Variants in FBXO36 observed in about 807,000 individuals in gnomAD.
FBXO36 encodes the protein F-box protein 36.
In FBXO36, 18 loss-of-function variants were observed where a neutral mutation model predicts 17.0. That is an observed-to-expected ratio of 1.06 (90% confidence interval 0.73 to 1.57). FBXO36 has a LOEUF of 1.57. Among genes scored for constraint, FBXO36 ranks in the 40% most tolerant of loss-of-function variants. The probability of loss-of-function intolerance (pLI) is 0.00; values close to 1 mark genes in which losing one functional copy is unlikely to be tolerated. For missense variants in FBXO36, 229 were observed against 221.9 expected, an observed-to-expected ratio of 1.03 and a Z score of -0.20; for synonymous variants, 83 against 85.3, an observed-to-expected ratio of 0.97 and a Z score of 0.15.
intron 2 of FBXO36, among the ~76,000 whole-genome samples, chr2:229,995,592 C>CTTTTTTTTTTTTTTTTTTTTTTTTTTT (rs748422157): frequency 8.7e-5 from 10 of 114,552 alleles, no homozygotes; most frequent in Admixed American, 1.9e-4. Flanking sequence ...CTCTTTCTTT[C>CTTTTTTTTTTTTTTTTTTTTTTTTTTT]TTTCTTTTTT....
chr2:229,955,886 G>A (rs987561483), intron 1 of FBXO36, among the ~76,000 whole-genome samples: 5 of 152,180 alleles, frequency 3.3e-5, no homozygotes, highest in Non-Finnish European at 7.3e-5. Flanking sequence ...TAGACTGTAG[G>A]ACCAAATAGA....
chr2:229,995,049 G>A (rs1475080579), intron 2 of FBXO36, among the ~76,000 whole-genome samples: 6 of 152,130 alleles, frequency 3.9e-5, no homozygotes, highest in African/African-American at 1.2e-4. Context: ...AGGGGGCGGA[G>A]GTTGCAGTGA....
At chr2:229,923,580 A>T (rs1314993043) in intron 1 of FBXO36, among the ~76,000 whole-genome samples, 1 of 152,062 alleles carries the variant, frequency 6.6e-6, no homozygotes, top group African/African-American at 2.4e-5. Flanking sequence ...TAATTTTTTT[A>T]TATTTTTGAA....
At chr2:229,968,107 A>C (rs1394290323) in intron 1 of FBXO36, among the ~76,000 whole-genome samples, 4 of 151,846 alleles carry the variant, frequency 2.6e-5, no homozygotes, top group Non-Finnish European at 5.9e-5. Flanking sequence ...ATGGCCACCC[A>C]CTGGTTCCTA....
chr2:229,974,099 A>G (rs577302919), intron 1 of FBXO36, among the ~76,000 whole-genome samples: 6 of 152,168 alleles, frequency 3.9e-5, no homozygotes, highest in Non-Finnish European at 8.8e-5. Context: ...TTTAATAAGT[A>G]CAATACATGG....
At chr2:229,988,837 T>TG (rs1456107159) in intron 2 of FBXO36, among the ~76,000 whole-genome samples, 9 of 149,454 alleles carry the variant, frequency 6.0e-5, no homozygotes, top group Non-Finnish European at 5.9e-5. Context: ...TGTTTTTTTT[T>TG]TTTTTTGTTT....
At chr2:229,988,722 G>T (rs142631471) in intron 2 of FBXO36, among the ~76,000 whole-genome samples, 2 of 151,906 alleles carry the variant, frequency 1.3e-5, no homozygotes, top group East Asian at 3.9e-4. Context: ...TCTTAGTAGA[G>T]ATGGGGTTTC....
At chr2:229,968,833 G>A (rs888608959) in intron 1 of FBXO36, among the ~76,000 whole-genome samples, 2 of 151,936 alleles carry the variant, frequency 1.3e-5, no homozygotes, top group Non-Finnish European at 2.9e-5. Context: ...GAGTGCAGTG[G>A]TGCAATCTCC....
chr2:229,924,939 T>G (rs1464956537), intron 1 of FBXO36, among the ~76,000 whole-genome samples: 4 of 152,044 alleles, frequency 2.6e-5, no homozygotes, highest in African/African-American at 9.7e-5. Flanking sequence ...CGGCTAATTT[T>G]TTGTATTTTT....
intron 3 of FBXO36, among the ~76,000 whole-genome samples, chr2:230,002,377 C>T (rs1000906366): frequency 4.0e-5 from 6 of 150,650 alleles, no homozygotes; most frequent in African/African-American, 9.7e-5. Flanking sequence ...CCCCCCCGTA[C>T]GTTAATTTTT....
At chr2:229,992,973 T>A (rs2077305513) in intron 2 of FBXO36, among the ~76,000 whole-genome samples, 1 of 152,154 alleles carries the variant, frequency 6.6e-6, no homozygotes. Flanking sequence ...AAACTCTGAT[T>A]TTTTTATCTT....
intron 3 of FBXO36, among the ~76,000 whole-genome samples, chr2:230,008,856 T>C (rs189623611): frequency 1.5e-3 from 225 of 152,346 alleles, no homozygotes; most frequent in African/African-American, 4.9e-3. Flanking sequence ...AGAGATAAGA[T>C]AATGAGTGAC....
chr2:229,922,619 A>C lies in FBXO36; in HGVS notation c.96+10A>C. The C allele has an allele frequency of 6.2e-7, 1 of 1,613,714 alleles. No individual in the cohort carries two copies. Among genetic ancestry groups the C allele is most frequent in the South Asian group, 1.1e-5 (1 of 91,036 alleles). On this transcript the variant is annotated intron_variant, in intron 1 of 3. Coordinates refer to ENST00000283946, the MANE Select transcript of FBXO36 (RefSeq NM_174899.5). ...GGTCACCCGGTCTCAGGCAAGTGCGAGCCGCGGTTTACCCTCTCTCCTAAC... is the reference window on the plus strand; with the variant it reads ...GGTCACCCGGTCTCAGGCAAGTGCGCGCCGCGGTTTACCCTCTCTCCTAAC...
At position 229,996,326 on chromosome 2, in the gene FBXO36, G is replaced by A. The variant is rs190897857; in HGVS notation, c.206-425G>A. ...ATGTCAGCTAAAATTAGGAGACAATGTGTTTTAGACTAATGGACAGTAGCA... is the reference window on the plus strand; with the variant it reads ...ATGTCAGCTAAAATTAGGAGACAATATGTTTTAGACTAATGGACAGTAGCA... On this transcript the variant is annotated intron_variant, in intron 2 of 3. Transcript: ENST00000283946. Among the ~76,000 whole-genome samples, 4 of 152,202 alleles carry A rather than the reference G, an allele frequency of 2.6e-5. No individual in the cohort carries two copies. The East Asian group carries it at 7.7e-4, about 29-fold the overall frequency.
intron 1 of FBXO36, among the ~76,000 whole-genome samples, chr2:229,965,620 C>T (rs1270619577): frequency 8.0e-5 from 12 of 149,638 alleles, no homozygotes; most frequent in African/African-American, 2.2e-4. Flanking sequence ...TGAGAACATG[C>T]GGTGTTTGGT....
chr2:229,995,073 CA>C, intron 2 of FBXO36, among the ~76,000 whole-genome samples: 1 of 151,866 alleles, frequency 6.6e-6, no homozygotes, highest in Admixed American at 6.6e-5. Flanking sequence ...GAGATCGTGC[CA>C]CTGCACTCCA....
At chr2:229,963,666 G>C (rs1408880976) in intron 1 of FBXO36, among the ~76,000 whole-genome samples, 2 of 151,598 alleles carry the variant, frequency 1.3e-5, no homozygotes, top group Non-Finnish European at 2.9e-5. Flanking sequence ...GGATGGTCTC[G>C]ATCTCCTGAC....
At chr2:229,934,597 T>TA (rs1035131693) in intron 1 of FBXO36, among the ~76,000 whole-genome samples, 3 of 152,250 alleles carry the variant, frequency 2.0e-5, no homozygotes, top group African/African-American at 7.2e-5. Flanking sequence ...GAAGAAATGT[T>TA]AAATACTGGC....
chr2:229,929,709 A>G (rs1484307789), intron 1 of FBXO36, among the ~76,000 whole-genome samples: 34 of 151,096 alleles, frequency 2.3e-4, no homozygotes, highest in Non-Finnish European at 5.9e-5. Context: ...ATACAAAAAA[A>G]TTAGCTGGGA....
Sources: allele counts gnomAD v4.1 joint callset (sites outside exome capture counted in the v4.1 genomes callset), GRCh38; gene constraint gnomAD v4.1.1; transcripts MANE v1.5; gene names NCBI Gene and HGNC (gene_info 2026-07-23, HGNC 2026-07-21).